PLXND1: variants seen among roughly 807,000 people sequenced by gnomAD.
The protein encoded by PLXND1 is plexin-D1.
PLXND1 carries 54 observed loss-of-function variants against 197.7 expected under a neutral mutation model. The observed-to-expected ratio is 0.27, with a 90% CI of 0.22 to 0.34. PLXND1 has a LOEUF of 0.34. Among genes scored for constraint, PLXND1 ranks in the 10% least tolerant of loss-of-function variants. The pLI is 1.00. For missense variants in PLXND1, 2,127 were observed against 2,699.2 expected, an observed-to-expected ratio of 0.79 and a Z score of 4.70; for synonymous variants, 1,180 against 1,161.2, an observed-to-expected ratio of 1.02 and a Z score of -0.33.
At chr3:129,596,076 C>G (rs970273879) in intron 1 of PLXND1, among the ~76,000 whole-genome samples, 1 of 152,170 alleles carries the variant, frequency 6.6e-6, no homozygotes, top group Non-Finnish European at 1.5e-5. Flanking sequence ...TAAAATAAGA[C>G]AGCAATAGCA....
chr3:129,564,648 A>G (rs1171192732), intron 25 of PLXND1, among the ~76,000 whole-genome samples: 3 of 152,214 alleles, frequency 2.0e-5, no homozygotes, highest in Admixed American at 6.5e-5. Flanking sequence ...TGCTCTGCGA[A>G]GAGAGCTTAT....
chr3:129,576,327 A>G (rs917413080), intron 9 of PLXND1, among the ~76,000 whole-genome samples: 41 of 152,122 alleles, frequency 2.7e-4, no homozygotes, highest in Admixed American at 2.7e-3. Context: ...TCTACCACCC[A>G]GCAAAGCTCA....
Position 129,555,466 on chromosome 3 carries a change from G to A in PLXND1, c.*846C>T, listed in dbSNP as rs1052731140. ...TCCAGTGTTGCATGGGGAGCCTCTC[G>A]GGACCCCTCCCCGGGTCCTCTGCGC... On this transcript the variant is annotated 3_prime_UTR_variant, in exon 36 of 36. Coordinates refer to ENST00000324093, the MANE Select transcript of PLXND1 (RefSeq NM_015103.3). 1.0e-5 allele frequency: 7 copies of A among 677,002 alleles called. No homozygotes were observed. Among genetic ancestry groups the A allele is most frequent in the South Asian group, 3.2e-5 (2 of 62,828 alleles). The allele number at this position is 677,002 out of a possible 1,614,324, so 41.9% of individuals were successfully genotyped here. A position where few individuals can be genotyped will look rare whatever the true frequency, so the allele number is the denominator to read the frequency against.
chr3:129,589,259 G>A (rs757847245), intron 2 of PLXND1, 92 bp downstream of exon 2: 87 of 812,776 alleles, frequency 1.1e-4, no homozygotes, highest in Non-Finnish European at 1.6e-4. Flanking sequence ...GGCTGGACCT[G>A]TAGCAGCCCT....
rs373520137 is a variant in PLXND1 at position 129,575,051 on chromosome 3, G to C, written c.2530+418C>G. 2.2e-4 allele frequency among the ~76,000 whole-genome samples: 33 copies of C among 152,322 alleles called. No individual in the cohort carries two copies. In the South Asian group the frequency reaches 3.1e-3, roughly 14 times the overall value. On this transcript the variant is annotated intron_variant, in intron 11 of 35. Transcript: ENST00000324093. ...AATCTGGAGGGCACCACGTCCACCA[G>C]GGATGCCTGAGACTCCCCATGAACA...
intron 9 of PLXND1, among the ~76,000 whole-genome samples, chr3:129,578,060 G>A (rs1308154059): frequency 6.6e-6 from 1 of 152,210 alleles, no homozygotes; most frequent in African/African-American, 2.4e-5. Context: ...TGGGGGCACT[G>A]GCTTTCCCTT....
At chr3:129,569,791 G>A in intron 20 of PLXND1, 52 bp downstream of exon 20, 1 of 997,652 alleles carries the variant, frequency 1.0e-6, no homozygotes, top group Non-Finnish European at 1.6e-6. Flanking sequence ...GAGGGGCTGG[G>A]GCAAGGTGGC....
chr3:129,556,278 T>A lies in PLXND1; in HGVS notation c.*34A>T. On this transcript the variant is annotated 3_prime_UTR_variant, in exon 36 of 36. Coordinates refer to ENST00000324093, the MANE Select transcript of PLXND1 (RefSeq NM_015103.3). ...TTGAGGCCCAGTGGGCGTCCATTTC[T>A]CCCAGCAGCAGCCTGACCAACTCTC... The A allele has an allele frequency of 2.1e-6, 3 of 1,424,890 alleles. No homozygotes were observed. The highest frequency in any genetic ancestry group is 3.0e-6 in the Non-Finnish European group (3 of 1,008,436). The allele number at this position is 1,424,890 out of a possible 1,614,324, so 88.3% of individuals were successfully genotyped here.
In PLXND1 at chr3:129,557,715, G is replaced by A. The variant is rs572710989; in HGVS notation, c.5446-492C>T. Among the ~76,000 whole-genome samples the A allele has an allele frequency of 1.1e-3, 169 of 152,332 alleles. No homozygotes were observed. The highest frequency in any genetic ancestry group is 3.8e-3 in the African/African-American group (158 of 41,568). On this transcript the variant is annotated intron_variant, in intron 33 of 35. Transcript: ENST00000324093. The surrounding 1 kb of genome is among the most constrained non-coding windows in gnomAD (Gnocchi z 4.8). ...GGCACCCTGCCTTCGGAGGCAGTAC[G>A]TGAGTAGTAGTGGAGCGATGGCATT... is the stretch of plus-strand genomic sequence containing the variant.
At chr3:129,570,400 T>C (rs978839766) in intron 19 of PLXND1, among the ~76,000 whole-genome samples, 3 of 151,498 alleles carry the variant, frequency 2.0e-5, no homozygotes, top group African/African-American at 7.2e-5. Context: ...ACACGCTGCT[T>C]GGGAGAGAGT....
chr3:129,597,349 C>A (rs2085640373), intron 1 of PLXND1, among the ~76,000 whole-genome samples: 1 of 152,216 alleles, frequency 6.6e-6, no homozygotes, highest in Non-Finnish European at 1.5e-5. Flanking sequence ...TGAGGCCCAT[C>A]AAGGTGATGG....
chr3:129,585,934 G>A lies in PLXND1; in HGVS notation c.1851+18C>T. 1 of 1,613,724 alleles carries A rather than the reference G, an allele frequency of 6.2e-7. No individual in the cohort carries two copies. Among genetic ancestry groups the A allele is most frequent in the Non-Finnish European group, 8.5e-7 (1 of 1,179,874 alleles). On this transcript the variant is annotated intron_variant, in intron 5 of 35. Transcript: ENST00000324093. The stretch of plus-strand genomic sequence containing the variant: ...TCCCCTGTGTCCCGAGCTGGGTCTT[G>A]CCTCCCCCAGGACTCACTGGGTACT...
At chr3:129,569,291 A>G (rs1210461878) in intron 20 of PLXND1, 1 of 152,350 alleles carries the variant, frequency 6.6e-6, no homozygotes, top group African/African-American at 2.4e-5. Flanking sequence ...CTACGTTTTC[A>G]TTTCTCTTGA....
In PLXND1 at chr3:129,556,509, C is replaced by T. The variant is rs60031896; in HGVS notation, c.5662-81G>A. 4,493 of 1,354,220 alleles carry T rather than the reference C, an allele frequency of 3.3e-3. 134 individuals are homozygous for T. The African/African-American group carries it at 0.058, about 18-fold the overall frequency. 83.9% of individuals were successfully genotyped at this position (1,354,220 alleles called of 1,614,324 possible). On this transcript the variant is annotated intron_variant, in intron 35 of 35. Transcript: ENST00000324093. ...TGGGAGAGAACACACCCCTGAACGT[C>T]TACCACGAGTGACATCCGTCCATTA...
In PLXND1 at chr3:129,560,733, G is replaced by A. The variant is rs1578305325; in HGVS notation, c.4994-10C>T. On this transcript the variant is annotated splice_polypyrimidine_tract_variant and intron_variant, in intron 29 of 35. Coordinates refer to ENST00000324093, the MANE Select transcript of PLXND1 (RefSeq NM_015103.3). ...GTGTCCAAGTCTTTCACTGTGAGAGGAAAAACACAATAAATAAACACGGGA... is the reference window on the plus strand; with the variant it reads ...GTGTCCAAGTCTTTCACTGTGAGAGAAAAAACACAATAAATAAACACGGGA... 1 of 1,548,146 alleles carries A rather than the reference G, an allele frequency of 6.5e-7. No individual in the cohort carries two copies. Among genetic ancestry groups the A allele is most frequent in the Non-Finnish European group, 8.9e-7 (1 of 1,120,788 alleles).
chr3:129,601,856 G>T (rs1432446833), intron 1 of PLXND1, among the ~76,000 whole-genome samples: 1 of 152,112 alleles, frequency 6.6e-6, no homozygotes, highest in Non-Finnish European at 1.5e-5. Context: ...TGCAGACCAG[G>T]CCAGCCATGT....
intron 5 of PLXND1, among the ~76,000 whole-genome samples, chr3:129,585,263 C>T (rs985411069): frequency 2.0e-5 from 3 of 152,204 alleles, no homozygotes; most frequent in East Asian, 1.9e-4. Context: ...AGGCCAGAGC[C>T]GGGCTGTCAG....
chr3:129,560,497 T>A, intron 30 of PLXND1, 63 bp from the exon 31 acceptor site: 1 of 1,204,292 alleles, frequency 8.3e-7, no homozygotes, highest in South Asian at 1.3e-5. Context: ...CTGTGGGAGG[T>A]CTGGCTCTGC....
intron 34 of PLXND1, 180 bp downstream of exon 34, chr3:129,556,903 C>A (rs2285356): frequency 7.1e-5 from 53 of 747,118 alleles, no homozygotes; most frequent in Admixed American, 2.6e-4. Flanking sequence ...CTCCTGCCCC[C>A]GCTCCTCAAA....
Sources: gnomAD v4.1 joint callset for allele counts (sites outside exome capture counted in the v4.1 genomes callset) on GRCh38, gnomAD v4.1.1 for gene constraint, Gnocchi (gnomAD v3.1) non-coding constraint, MANE v1.5 for transcripts, NCBI Gene and HGNC (gene_info 2026-07-23, HGNC 2026-07-21) for gene names.